SPRR2B: variants seen among roughly 807,000 people sequenced by gnomAD.
SPRR2B encodes small proline rich protein 2B, also known as small proline-rich protein 2B.
In SPRR2B, 1 loss-of-function variant was observed where a neutral mutation model predicts 1.0. That is an observed-to-expected ratio of 1.01 (90% CI 0.36 to 4.77). The LOEUF (loss-of-function observed/expected upper bound fraction) is 4.77, where lower values mean the gene tolerates loss of function less well. Among genes scored for constraint, SPRR2B ranks in the 30% most tolerant of loss-of-function variants. The pLI is 0.16. For synonymous variants in SPRR2B, 27 were observed against 33.4 expected (o/e 0.81, Z 0.66); for missense variants, 53 against 88.7 (o/e 0.60, Z 1.62).
Position 153,071,134 on chromosome 1 carries a change from T to G in SPRR2B, c.-19-276A>C, listed in dbSNP as rs6682746. On this transcript the variant is annotated intron_variant, in intron 1 of 1. Coordinates refer to ENST00000368755, the MANE Select transcript of SPRR2B (RefSeq NM_001388198.1). ...TTAATCCAAGAAATTAACATCTTCA[T>G]GAAAGGCAGTCACAAGTTCAGACCC... Among the ~76,000 whole-genome samples, 6 of 125,612 alleles carry G rather than the reference T, an allele frequency of 4.8e-5. 1 individual carries two copies. Among genetic ancestry groups the G allele is most frequent in the South Asian group, 2.4e-4 (1 of 4,090 alleles). The allele number at this position is 125,612 out of a possible 152,430, so 82.4% of individuals were successfully genotyped here.
chr1:153,082,374 C>T, the SPRR2B span, among the ~76,000 whole-genome samples: 1 of 152,056 alleles, frequency 6.6e-6, no homozygotes, highest in Admixed American at 6.6e-5. Flanking sequence ...AAATATAGAA[C>T]ACTCCACCCA....
At chr1:153,078,000 A>T in the SPRR2B span, among the ~76,000 whole-genome samples, 4 of 152,266 alleles carry the variant, frequency 2.6e-5, no homozygotes, top group Non-Finnish European at 5.9e-5. Context: ...AAAATCTAAT[A>T]AACATAAATC....
At chr1:153,082,561 T>C in the SPRR2B span, among the ~76,000 whole-genome samples, 48 of 152,258 alleles carry the variant, frequency 3.2e-4, no homozygotes, top group African/African-American at 1.0e-3. Flanking sequence ...CAAATTAAAA[T>C]GGCAAATTTT....
chr1:153,078,669 C>T, the SPRR2B span, among the ~76,000 whole-genome samples: 2 of 152,130 alleles, frequency 1.3e-5, no homozygotes, highest in Non-Finnish European at 2.9e-5. Context: ...CAGCTTCATC[C>T]ATGTCCCTAC....
At chr1:153,083,247 G>A in the SPRR2B span, among the ~76,000 whole-genome samples, 1 of 152,094 alleles carries the variant, frequency 6.6e-6, no homozygotes, top group African/African-American at 2.4e-5. Flanking sequence ...AGGATTTACT[G>A]GAGAAATGTA....
At chr1:153,079,606 A>G in the SPRR2B span, among the ~76,000 whole-genome samples, 3 of 152,002 alleles carry the variant, frequency 2.0e-5, no homozygotes, top group African/African-American at 7.2e-5. Context: ...TCCCAGCACC[A>G]TTTATTAAAT....
the SPRR2B span, among the ~76,000 whole-genome samples, chr1:153,085,573 G>A: frequency 6.6e-6 from 1 of 152,308 alleles, no homozygotes; most frequent in African/African-American, 2.4e-5. Flanking sequence ...TGCTGAAAGA[G>A]AAGGGAAGTG....
chr1:153,079,086 T>G, the SPRR2B span, among the ~76,000 whole-genome samples: 1 of 152,228 alleles, frequency 6.6e-6, no homozygotes, highest in East Asian at 1.9e-4. Context: ...CTCATTGTGG[T>G]TTTGATTTGC....
At chr1:153,083,888 T>C in the SPRR2B span, among the ~76,000 whole-genome samples, 1 of 152,140 alleles carries the variant, frequency 6.6e-6, no homozygotes, top group Non-Finnish European at 1.5e-5. Context: ...GATGGCCATC[T>C]CTCTAGGCTC....
the SPRR2B span, among the ~76,000 whole-genome samples, chr1:153,084,590 C>G: frequency 4.6e-5 from 7 of 152,190 alleles, no homozygotes; most frequent in African/African-American, 1.7e-4. Context: ...CTCCTATGCC[C>G]TCAAGCCACA....
At chr1:153,078,318 G>T in the SPRR2B span, among the ~76,000 whole-genome samples, 1 of 152,170 alleles carries the variant, frequency 6.6e-6, no homozygotes, top group Non-Finnish European at 1.5e-5. Flanking sequence ...ACTGTTATAA[G>T]AGACTACAAA....
upstream of SPRR2B, among the ~76,000 whole-genome samples, chr1:153,075,621 T>C (rs1178236269): frequency 1.3e-5 from 2 of 152,204 alleles, no homozygotes; most frequent in African/African-American, 4.8e-5. Context: ...ATTTAAAGTA[T>C]TTAGCACAGG....
the SPRR2B span, among the ~76,000 whole-genome samples, chr1:153,077,485 T>C: frequency 1.3e-5 from 2 of 152,178 alleles, no homozygotes; most frequent in African/African-American, 2.4e-5. Flanking sequence ...TTTTATTTTC[T>C]ACAAGATTTA....
chr1:153,071,894 C>A (rs909448356), upstream of SPRR2B, among the ~76,000 whole-genome samples: 14 of 152,132 alleles, frequency 9.2e-5, no homozygotes, highest in African/African-American at 3.1e-4. Flanking sequence ...CTTACACATT[C>A]CCTAAATCAT....
At chr1:153,076,029 CAT>C (rs1200738360), upstream of SPRR2B, among the ~76,000 whole-genome samples, 32 of 152,146 alleles carry the variant, frequency 2.1e-4, no homozygotes, top group Admixed American at 1.8e-3. Context: ...AAAATATTAA[CAT>C]GTATAGATAT....
upstream of SPRR2B, among the ~76,000 whole-genome samples, chr1:153,073,007 G>A (rs1500937): frequency 1.3e-5 from 2 of 152,016 alleles, no homozygotes; most frequent in Admixed American, 6.6e-5. Flanking sequence ...AAAAGAGGAA[G>A]AGGAGTGACT....
the SPRR2B span, among the ~76,000 whole-genome samples, chr1:153,078,529 A>G: frequency 1.3e-5 from 2 of 151,470 alleles, no homozygotes; most frequent in Admixed American, 6.6e-5. Context: ...CCACCCCACA[A>G]CCGGCCCCAG....
At chr1:153,078,682 AG>A in the SPRR2B span, among the ~76,000 whole-genome samples, 1 of 152,202 alleles carries the variant, frequency 6.6e-6, no homozygotes, top group Middle Eastern at 3.2e-3. Context: ...GTCCCTACAA[AG>A]GACATGAACT....
upstream of SPRR2B, among the ~76,000 whole-genome samples, chr1:153,073,187 A>G (rs376966324): frequency 9.9e-5 from 15 of 152,204 alleles, no homozygotes; most frequent in African/African-American, 3.6e-4. Context: ...CTACAGAAAT[A>G]GAACTATCAT....
Sources: allele counts gnomAD v4.1 joint callset (sites outside exome capture counted in the v4.1 genomes callset), GRCh38; gene constraint gnomAD v4.1.1; transcripts MANE v1.5; gene names NCBI Gene and HGNC (gene_info 2026-07-23, HGNC 2026-07-21).